IDUA: variants seen among roughly 807,000 people sequenced by gnomAD.
IDUA encodes iduronidase alpha-L-.
In IDUA, 65 loss-of-function variants were observed where a neutral mutation model predicts 68.9. The observed-to-expected ratio is 0.94, with a 90% CI of 0.77 to 1.16. IDUA has a LOEUF of 1.16. IDUA is among the 50% of genes most tolerant of loss of function. The pLI is 0.00. For synonymous variants in IDUA, 529 were observed against 433.6 expected, an observed-to-expected ratio of 1.22 and a Z score of -2.73; for missense variants, 1,046 against 938.0, an observed-to-expected ratio of 1.12 and a Z score of -1.50.
chr4:991,389 G>C lies in IDUA; in HGVS notation c.299+3440G>C, dbSNP rs377636525. 315 of 1,612,768 alleles carry C rather than the reference G, an allele frequency of 2.0e-4. 1 individual carries two copies. Among genetic ancestry groups the C allele is most frequent in the Middle Eastern group, 1.5e-3 (9 of 6,082 alleles). ...GGAAGTAGATGAGGTTGGCGAAGAA[G>C]GACGTATAGAGGCTGTAGATGGGCT... is the stretch of plus-strand genomic sequence containing the variant. On this transcript the variant is annotated intron_variant, in intron 2 of 13. Coordinates refer to ENST00000514224, the MANE Select transcript of IDUA (RefSeq NM_000203.5).
intron 2 of IDUA, among the ~76,000 whole-genome samples, chr4:997,894 C>A (rs1714836021): frequency 6.6e-6 from 1 of 152,144 alleles, no homozygotes; most frequent in Non-Finnish European, 1.5e-5. Context: ...CCAGGGACAT[C>A]TCTGATGCTG....
chr4:994,586 C>T (rs992246318), intron 2 of IDUA, among the ~76,000 whole-genome samples: 20 of 151,744 alleles, frequency 1.3e-4, no homozygotes, highest in Non-Finnish European at 1.9e-4. Context: ...TACAGGCACC[C>T]GCCACCACGC....
In IDUA at chr4:1,003,426, T is replaced by C; in HGVS notation, c.1606T>C (p.Leu536=). 1.3e-6 allele frequency: 2 copies of C among 1,532,544 alleles called. No individual in the cohort carries two copies. Among genetic ancestry groups the C allele is most frequent in the Non-Finnish European group, 1.7e-6 (2 of 1,146,080 alleles). 94.9% of individuals were successfully genotyped at this position (1,532,544 alleles called of 1,614,324 possible). A position where few individuals can be genotyped will look rare whatever the true frequency, so the allele number is the denominator to read the frequency against. The change falls in exon 11 of 14, where the codon TTG becomes CTG. Residue 536 remains leucine (L), a synonymous_variant. Transcript: ENST00000514224. ...CCCCGCGCTGCGGCTGCCGTCGCTT[T>C]TGCTGGTGCACGTGTGTGCGCGCCC... The part of the protein sequence containing the change: ...LRPALRLPSL[L]LVHVCARPEK...
intron 2 of IDUA, chr4:989,487 G>A (rs1291517701): frequency 6.4e-7 from 1 of 1,554,960 alleles, no homozygotes; most frequent in Non-Finnish European, 8.7e-7. Flanking sequence ...CCTCTGTGCT[G>A]ACCAGCATAC....
At chr4:989,588 G>A (rs868322513) in intron 2 of IDUA, 22 of 1,599,152 alleles carry the variant, frequency 1.4e-5, no homozygotes, top group Admixed American at 1.7e-5. Context: ...AGGGCCCCCC[G>A]CAGGCTGACC....
chr4:988,483 T>C, intron 2 of IDUA: 1 of 1,121,582 alleles, frequency 8.9e-7, no homozygotes, highest in Non-Finnish European at 1.1e-6. Context: ...TCTTGGCACC[T>C]TGGAGGCTGC....
At chr4:989,930 G>T (rs1279070268) in intron 2 of IDUA, 1 of 1,558,248 alleles carries the variant, frequency 6.4e-7, no homozygotes. Context: ...CGCTGCATCA[G>T]CCTGGGCTCT....
At chr4:989,238 C>T in intron 2 of IDUA, 2 of 1,612,478 alleles carry the variant, frequency 1.2e-6, no homozygotes, top group South Asian at 2.2e-5. Context: ...CAGCCATGCA[C>T]CCTGCGTCCA....
At chr4:990,131 A>C (rs1343464853) in intron 2 of IDUA, 2 of 1,574,156 alleles carry the variant, frequency 1.3e-6, no homozygotes, top group Non-Finnish European at 1.7e-6. Flanking sequence ...ACCGCCAGGC[A>C]CACCGTGCTG....
rs772855552 is a variant in IDUA, at chr4:1,002,347, G to A, written c.1051G>A (p.Ala351Thr). 4 of 1,613,016 alleles carry A rather than the reference G, an allele frequency of 2.5e-6. No individual in the cohort carries two copies. In the Admixed American group the frequency reaches 6.7e-5, roughly 27 times the overall value. Residue 351 changes from alanine (A) to threonine (T), a missense_variant, in exon 8 of 14, where the codon GCC becomes ACC. Physicochemically the swap from Ala to Thr is moderately conservative, Grantham distance 58. Coordinates refer to ENST00000514224, the MANE Select transcript of IDUA (RefSeq NM_000203.5). ...FPYALLSNDN[A>T]FLSYHPHPFA... ...CTACGCGCTCCTGAGCAACGACAATGCCTTCCTGAGCTACCACCCGCACCC... is the reference window on the plus strand; with the variant it reads ...CTACGCGCTCCTGAGCAACGACAATACCTTCCTGAGCTACCACCCGCACCC...
chr4:987,636 T>C, intron 1 of IDUA, 173 bp from the exon 2 acceptor site: 1 of 1,446,592 alleles, frequency 6.9e-7, no homozygotes, highest in Non-Finnish European at 9.1e-7. Context: ...CCGTTCCCCA[T>C]GAAGATGGGA....
At chr4:1,003,264 G>A in intron 10 of IDUA, 81 bp from the exon 11 acceptor site, 2 of 1,346,978 alleles carry the variant, frequency 1.5e-6, no homozygotes, top group Non-Finnish European at 1.9e-6. Context: ...TGGAGCGGTG[G>A]GCCGGGGGCG....
Position 1,003,628 on chromosome 4 carries a change from G to C in IDUA, c.1727+3G>C, listed in dbSNP as rs173356864. 1 of 1,612,290 alleles carries C rather than the reference G, an allele frequency of 6.2e-7. No homozygotes were observed. Among genetic ancestry groups the C allele is most frequent in the Non-Finnish European group, 8.5e-7 (1 of 1,179,772 alleles). On this transcript the variant is annotated splice_donor_region_variant and intron_variant, in intron 12 of 13. Coordinates refer to ENST00000514224, the MANE Select transcript of IDUA (RefSeq NM_000203.5). ...TCGGATGAACACGTGGGCTCCAAGTGCGTGAGTGGGGCCGCCCCTCCCTCT... is the reference window on the plus strand; with the variant it reads ...TCGGATGAACACGTGGGCTCCAAGTCCGTGAGTGGGGCCGCCCCTCCCTCT...
At chr4:989,653 G>T in intron 2 of IDUA, 1 of 1,588,652 alleles carries the variant, frequency 6.3e-7, no homozygotes, top group Non-Finnish European at 8.6e-7. Context: ...CGGTGCCAGC[G>T]CCAGCAGCAC....
chr4:987,617 C>T (rs1713837340), intron 1 of IDUA, 192 bp from the exon 2 acceptor site: 2 of 1,441,324 alleles, frequency 1.4e-6, no homozygotes, highest in Non-Finnish European at 1.8e-6. Flanking sequence ...CCTCGTCTTA[C>T]TGCTGCTGCC....
Position 1,002,752 on chromosome 4 carries a change from G to T in IDUA, c.1210G>T (p.Glu404Ter), listed in dbSNP as rs1340421020. 6.7e-7 allele frequency: 1 copy of T among 1,483,042 alleles called. No homozygotes were observed. The highest frequency in any genetic ancestry group is 2.4e-4 in the Middle Eastern group (1 of 4,214). 91.9% of individuals were successfully genotyped at this position (1,483,042 alleles called of 1,614,324 possible). Residue 404 changes from glutamate to a stop codon, truncating the protein, a stop_gained, in exon 9 of 14, where the codon GAA becomes TAA. Transcript: ENST00000514224. LOFTEE classifies it high-confidence loss of function. ...ALLDEEQLWA[E>*]VSQAGTVLDS... is the part of the protein sequence containing the mutation. Reference sequence around the variant, plus strand: ...CGCAGATGAGGAGCAGCTCTGGGCCGAAGTGTCGCAGGCCGGGACCGTCCT... The same window carrying T: ...CGCAGATGAGGAGCAGCTCTGGGCCTAAGTGTCGCAGGCCGGGACCGTCCT...
At chr4:1,002,638 G>A in intron 8 of IDUA, 94 bp from the exon 9 acceptor site, 1 of 1,184,038 alleles carries the variant, frequency 8.4e-7, no homozygotes, top group Non-Finnish European at 1.2e-6. Context: ...CCTTCACCAA[G>A]GGGAGGGGGA....
chr4:1,002,103 G>T lies in IDUA; in HGVS notation c.914G>T (p.Gly305Val). ...AACGACGAGGCGGACCCGCTGGTGGGCTGGTCCCTGCCACAGCCGTGGAGG... is the reference window on the plus strand; with the variant it reads ...AACGACGAGGCGGACCCGCTGGTGGTCTGGTCCCTGCCACAGCCGTGGAGG... Reference protein sequence around the residue: ...IYNDEADPLVGWSLPQPWRAD... With the variant: ...IYNDEADPLVVWSLPQPWRAD... The change falls in exon 7 of 14, where the codon GGC (glycine) becomes GTC (valine). Residue 305 changes from glycine to valine, a missense_variant. By Grantham distance (109) the Gly-to-Val change is moderately radical. Coordinates refer to ENST00000514224, the MANE Select transcript of IDUA (RefSeq NM_000203.5). 1 of 1,572,784 alleles carries T rather than the reference G, an allele frequency of 6.4e-7. No individual in the cohort carries two copies. Among genetic ancestry groups the T allele is most frequent in the Non-Finnish European group, 8.6e-7 (1 of 1,160,120 alleles).
At position 1,002,071 on chromosome 4, in the gene IDUA, C is replaced by T. The variant is rs762825338; in HGVS notation, c.882C>T (p.Pro294=). ...TCTTCCCCAAGTTCGCGGACACCCC[C>T]ATTTACAACGACGAGGCGGACCCGC... is the stretch of plus-strand genomic sequence containing the variant. ...RQLFPKFADT[P]IYNDEADPLV... The change falls in exon 7 of 14, where the codon CCC becomes CCT. Residue 294 remains proline (P), a synonymous_variant. Coordinates refer to ENST00000514224, the MANE Select transcript of IDUA (RefSeq NM_000203.5). 7.5e-6 allele frequency: 12 copies of T among 1,591,948 alleles called. No individual in the cohort carries two copies. In the African/African-American group the frequency reaches 1.6e-4, roughly 21 times the overall value.
Sources: allele counts gnomAD v4.1 joint callset (sites outside exome capture counted in the v4.1 genomes callset), GRCh38; gene constraint gnomAD v4.1.1; transcripts MANE v1.5; gene names NCBI Gene and HGNC (gene_info 2026-07-23, HGNC 2026-07-21).